The following ABCC3 variants were observed in gnomAD, a reference collection of about 807,000 sequenced individuals.
ABCC3 encodes ATP binding cassette subfamily C member 3.
A neutral mutation model predicts 165.3 loss-of-function variants in ABCC3; 121 were observed. The ratio of observed to expected loss-of-function variants is 0.73; its 90% CI spans 0.63 to 0.85. The LOEUF (loss-of-function observed/expected upper bound fraction) is 0.85. Among genes scored for constraint, ABCC3 ranks in the 40% least tolerant of loss-of-function variants. The probability of loss-of-function intolerance (pLI) is 0.00; values close to 1 mark genes in which losing one functional copy is unlikely to be tolerated. For missense variants in ABCC3, 1,869 were observed against 1,964.1 expected, an observed-to-expected ratio of 0.95 and a Z score of 0.92; for synonymous variants, 733 against 810.1, an observed-to-expected ratio of 0.90 and a Z score of 1.62.
chr17:50,667,666 A>T lies in ABCC3; in HGVS notation c.1544A>T (p.Glu515Val), dbSNP rs1344510651. The T allele has an allele frequency of 6.2e-7, 1 of 1,614,174 alleles. No homozygotes were observed. The highest frequency in any genetic ancestry group is 8.5e-7 in the Non-Finnish European group (1 of 1,180,028). Residue 515 changes from glutamate (E) to valine (V), a missense_variant, in exon 12 of 31, where the codon GAG becomes GTG. Physicochemically the swap from Glu to Val is moderately radical, Grantham distance 121. Coordinates refer to ENST00000285238, the MANE Select transcript of ABCC3 (RefSeq NM_003786.4). Reference protein sequence around the residue: ...AWEPSFLKQVEGIRQGELQLL... With the variant: ...AWEPSFLKQVVGIRQGELQLL... ...GAGCCCAGCTTCCTGAAGCAGGTGG[A>T]GGGCATCAGGCAGGGTGAGCTCCAG...
At chr17:50,677,127 C>T (rs1967837336) in intron 23 of ABCC3, among the ~76,000 whole-genome samples, 1 of 152,220 alleles carries the variant, frequency 6.6e-6, no homozygotes, top group South Asian at 2.1e-4. Flanking sequence ...AGTGATCCGC[C>T]CACCTCGGCC....
intron 1 of ABCC3, among the ~76,000 whole-genome samples, chr17:50,649,956 C>A (rs1327813798): frequency 1.3e-5 from 2 of 152,258 alleles, no homozygotes; most frequent in Admixed American, 1.3e-4. Context: ...GCATGAAGCA[C>A]AGGAAATTAT....
chr17:50,683,979 A>T lies in ABCC3; in HGVS notation c.3985A>T (p.Lys1329Ter), dbSNP rs1436118137. 6.2e-7 allele frequency: 1 copy of T among 1,613,306 alleles called. No individual in the cohort carries two copies. Among genetic ancestry groups the T allele is most frequent in the Admixed American group, 1.7e-5 (1 of 59,904 alleles). The change falls in exon 28 of 31, where the codon AAG becomes TAG. Residue 1329 changes from lysine (K) to a stop codon, truncating the protein, a stop_gained. Transcript: ENST00000285238. LOFTEE classifies it high-confidence loss of function. ...VGIVGRTGAG[K>*]SSMTLCLFRI... ...GATCGTGGGCCGCACTGGGGCTGGC[A>T]AGTCTTCCATGACCCTTTGCCTGTT...
At chr17:50,639,686 G>A (rs192436698) in intron 1 of ABCC3, among the ~76,000 whole-genome samples, 5 of 152,118 alleles carry the variant, frequency 3.3e-5, no homozygotes, top group South Asian at 2.1e-4. Context: ...CTGGTACTGC[G>A]GTGCAGTGGT....
At chr17:50,636,219 G>T (rs1395510088) in intron 1 of ABCC3, among the ~76,000 whole-genome samples, 1 of 152,104 alleles carries the variant, frequency 6.6e-6, no homozygotes, top group Non-Finnish European at 1.5e-5. Flanking sequence ...GTGTGTGTAC[G>T]CACACACGCA....
Position 50,669,127 on chromosome 17 carries a change from T to A in ABCC3, c.1938-13T>A, listed in dbSNP as rs779212451. On this transcript the variant is annotated splice_polypyrimidine_tract_variant and intron_variant, in intron 15 of 30. Coordinates refer to ENST00000285238, the MANE Select transcript of ABCC3 (RefSeq NM_003786.4). ...CCTGCCTCTAACTGGACTCCTGGGG[T>A]CCTTGCCCCCAGCCTAGACATCCAG... 1.7e-5 allele frequency: 27 copies of A among 1,595,430 alleles called. No individual in the cohort carries two copies. The highest frequency in any genetic ancestry group is 2.3e-5 in the Non-Finnish European group (27 of 1,172,716).
intron 1 of ABCC3, among the ~76,000 whole-genome samples, chr17:50,641,722 A>G (rs188893748): frequency 1.2e-3 from 179 of 152,312 alleles, no homozygotes; most frequent in Non-Finnish European, 2.3e-3. Context: ...TTCGTGGAGC[A>G]TATACTCTAG....
rs1339264219 is a variant in ABCC3, at chr17:50,660,986, C to T, written c.870C>T (p.Ala290=). The T allele has an allele frequency of 7.4e-6, 12 of 1,613,994 alleles. No individual in the cohort carries two copies. Among genetic ancestry groups the T allele is most frequent in the Admixed American group, 3.3e-5 (2 of 60,014 alleles). The change falls in exon 8 of 31, where the codon GCC becomes GCT. Residue 290 remains alanine, a synonymous_variant. Coordinates refer to ENST00000285238, the MANE Select transcript of ABCC3 (RefSeq NM_003786.4). ...GCGAGGACGAGGTGCTGCTGGGTGC[C>T]CGGCCCAGGCCCCGGAAGCCCTCCT... ...ASGEDEVLLG[A]RPRPRKPSFL...
chr17:50,642,516 C>T (rs557514049), intron 1 of ABCC3, among the ~76,000 whole-genome samples: 1 of 152,210 alleles, frequency 6.6e-6, no homozygotes, highest in East Asian at 1.9e-4. Flanking sequence ...CTCCATCACC[C>T]GCTTCCCTGA....
chr17:50,680,913 A>C (rs1044011002), intron 26 of ABCC3, among the ~76,000 whole-genome samples: 1 of 152,066 alleles, frequency 6.6e-6, no homozygotes, highest in African/African-American at 2.4e-5. Context: ...CATCTCTACT[A>C]AAAATACAAA....
chr17:50,637,435 C>T (rs2054190579), intron 1 of ABCC3, among the ~76,000 whole-genome samples: 1 of 152,166 alleles, frequency 6.6e-6, no homozygotes, highest in African/African-American at 2.4e-5. Context: ...TGTTGCATCT[C>T]ATTTGCATGG....
chr17:50,685,477 G>A (rs1968007866), intron 29 of ABCC3, among the ~76,000 whole-genome samples: 1 of 152,106 alleles, frequency 6.6e-6, no homozygotes, highest in African/African-American at 2.4e-5. Context: ...TGAAGCTAAT[G>A]TTTTTTTCTT....
chr17:50,659,396 C>A, intron 7 of ABCC3, 28 bp downstream of exon 7: 2 of 1,591,468 alleles, frequency 1.3e-6, no homozygotes, highest in South Asian at 1.1e-5. Flanking sequence ...CCCCAACACC[C>A]AGCCCCTTCG....
At chr17:50,660,879 C>A (rs944803260) in intron 7 of ABCC3, 44 bp from the exon 8 acceptor site, 1 of 1,534,246 alleles carries the variant, frequency 6.5e-7, no homozygotes, top group African/African-American at 1.4e-5. Flanking sequence ...TCCTGGAGCC[C>A]CTGTCCCCAT....
chr17:50,649,856 T>C (rs1013408761), intron 1 of ABCC3, among the ~76,000 whole-genome samples: 2 of 152,176 alleles, frequency 1.3e-5, no homozygotes, highest in African/African-American at 4.8e-5. Flanking sequence ...CGGAGGCATA[T>C]ACAAAAAGTT....
intron 30 of ABCC3, among the ~76,000 whole-genome samples, chr17:50,689,161 G>A (rs570065218): frequency 2.0e-4 from 30 of 152,316 alleles, no homozygotes; most frequent in African/African-American, 7.2e-4. Context: ...ACTCTAGCCT[G>A]GGTGCAGAGC....
At chr17:50,685,535 A>G (rs1005797784) in intron 29 of ABCC3, among the ~76,000 whole-genome samples, 1 of 152,210 alleles carries the variant, frequency 6.6e-6, no homozygotes, top group African/African-American at 2.4e-5. Flanking sequence ...AAACTGTAAT[A>G]CTATAACTTA....
chr17:50,678,304 C>A (rs1967868355), intron 25 of ABCC3, 85 bp downstream of exon 25: 1 of 1,435,562 alleles, frequency 7.0e-7, no homozygotes, highest in Non-Finnish European at 9.2e-7. Context: ...AGTGCCCCTC[C>A]CTGCTCAGTA....
intron 29 of ABCC3, among the ~76,000 whole-genome samples, chr17:50,685,612 G>A (rs879509450): frequency 3.2e-4 from 48 of 151,994 alleles, no homozygotes; most frequent in African/African-American, 7.0e-4. Flanking sequence ...AATATTTTGC[G>A]TTTCTTCCTA....
Sources: gnomAD v4.1 joint callset for allele counts (sites outside exome capture counted in the v4.1 genomes callset) on GRCh38, gnomAD v4.1.1 for gene constraint, MANE v1.5 for transcripts, NCBI Gene and HGNC (gene_info 2026-07-23, HGNC 2026-07-21) for gene names.